The following CSGALNACT1 variants were observed in gnomAD, a reference collection of about 807,000 sequenced individuals.
CSGALNACT1 encodes the protein beta4GalNAcT-1.
In CSGALNACT1, 52 loss-of-function variants were observed where a neutral mutation model predicts 51.0. The observed-to-expected ratio is 1.02, with a 90% confidence interval of 0.82 to 1.29. The LOEUF (loss-of-function observed/expected upper bound fraction) is 1.29, where lower values mean the gene tolerates loss of function less well. Ranked by LOEUF, CSGALNACT1 falls within the 50% of genes most tolerant of loss-of-function variation. The pLI is 0.00. For missense variants in CSGALNACT1, 935 were observed against 679.2 expected (o/e 1.38, Z -4.19); for synonymous variants, 341 against 254.4 (o/e 1.34, Z -3.24).
chr8:19,480,589 C>T (rs1022905924), intron 4 of CSGALNACT1, among the ~76,000 whole-genome samples: 43 of 152,150 alleles, frequency 2.8e-4, no homozygotes, highest in African/African-American at 9.7e-4. Context: ...TGGGTGCCTG[C>T]GTCTTTACAA....
chr8:19,725,294 G>A lies in CSGALNACT1; in HGVS notation c.-297+32556C>T, dbSNP rs143895810. ...GGAAGGCATAGCTATAAGAATCTGC[G>A]TCCTGGCTGCCCAAGGCAAGGGGGC... On this transcript the variant is annotated intron_variant, in intron 1 of 1. Transcript: ENST00000517494. Among the ~76,000 whole-genome samples, 133 of 152,304 alleles carry A rather than the reference G, an allele frequency of 8.7e-4. 1 individual carries two copies. Among genetic ancestry groups the A allele is most frequent in the African/African-American group, 3.0e-3 (126 of 41,568 alleles).
chr8:19,418,102 A>G (rs1408759954), intron 8 of CSGALNACT1, among the ~76,000 whole-genome samples: 4 of 152,104 alleles, frequency 2.6e-5, no homozygotes, highest in Non-Finnish European at 5.9e-5. Context: ...GACACCTTTA[A>G]TGCTAACGTC....
intron 1 of CSGALNACT1, among the ~76,000 whole-genome samples, chr8:19,722,361 T>C (rs73590548): frequency 0.15 from 22,841 of 152,182 alleles, 1,863 homozygotes; most frequent in African/African-American, 0.2. Context: ...TTTAGCTAAT[T>C]AAAATTAAAA....
chr8:19,519,058 T>C (rs1366429658), intron 3 of CSGALNACT1, among the ~76,000 whole-genome samples: 2 of 152,206 alleles, frequency 1.3e-5, no homozygotes, highest in African/African-American at 4.8e-5. Flanking sequence ...TACCAGCTGA[T>C]GGTTTTAAAA....
intron 2 of CSGALNACT1, among the ~76,000 whole-genome samples, chr8:19,596,850 A>G (rs1332143443): frequency 1.3e-5 from 2 of 152,308 alleles, no homozygotes; most frequent in Middle Eastern, 3.4e-3. Flanking sequence ...GAAATTTACC[A>G]TCTTAACCAT....
At chr8:19,636,204 G>C (rs776356919) in intron 1 of CSGALNACT1, among the ~76,000 whole-genome samples, 2 of 152,154 alleles carry the variant, frequency 1.3e-5, no homozygotes, top group East Asian at 1.9e-4. Context: ...GTTAGAGAGA[G>C]AGAGATCAGT....
At chr8:19,536,529 T>C (rs149825179) in intron 3 of CSGALNACT1, among the ~76,000 whole-genome samples, 87 of 152,182 alleles carry the variant, frequency 5.7e-4, no homozygotes, top group African/African-American at 2.0e-3. Context: ...TCTAAATGAA[T>C]AGATGCATGG....
chr8:19,552,302 T>G (rs1275390442), intron 3 of CSGALNACT1, among the ~76,000 whole-genome samples: 1 of 152,234 alleles, frequency 6.6e-6, no homozygotes, highest in South Asian at 2.1e-4. Flanking sequence ...AAGGAAAATT[T>G]ACTTACAGTG....
chr8:19,474,683 A>G (rs2069011685), intron 4 of CSGALNACT1, among the ~76,000 whole-genome samples: 1 of 151,974 alleles, frequency 6.6e-6, no homozygotes, highest in African/African-American at 2.4e-5. Flanking sequence ...AGCCTAACCA[A>G]CATGGCAAAA....
chr8:19,463,810 A>T (rs145589375), intron 4 of CSGALNACT1, among the ~76,000 whole-genome samples: 1 of 152,148 alleles, frequency 6.6e-6, no homozygotes, highest in Admixed American at 6.5e-5. Flanking sequence ...AAGTATCCCA[A>T]TGCCGGTCTT....
At chr8:19,728,186 A>G (rs1480819843) in intron 1 of CSGALNACT1, among the ~76,000 whole-genome samples, 2 of 152,168 alleles carry the variant, frequency 1.3e-5, no homozygotes, top group Non-Finnish European at 2.9e-5. Context: ...TAGGGTTGTT[A>G]TGAGGATTAA....
chr8:19,620,430 C>T lies in CSGALNACT1; in HGVS notation c.-543-18565G>A, dbSNP rs927487370. 6.3e-4 allele frequency among the ~76,000 whole-genome samples: 90 copies of T among 142,136 alleles called. 1 individual carries two copies. Among genetic ancestry groups the T allele is most frequent in the African/African-American group, 1.6e-3 (64 of 38,938 alleles). The allele number at this position is 142,136 out of a possible 152,430, so 93.2% of individuals were successfully genotyped here. A position where few individuals can be genotyped will look rare whatever the true frequency, so the allele number is the denominator to read the frequency against. ...GGATTTCCAAGGGCTGGAAAAGAAT[C>T]TTTTTTTTTTTTTCTTGAGAAAGGG... is the stretch of plus-strand genomic sequence containing the variant. On this transcript the variant is annotated intron_variant, in intron 1 of 9. Coordinates refer to the CSGALNACT1 transcript ENST00000332246.
chr8:19,468,661 T>C lies in CSGALNACT1; in HGVS notation c.635-10019A>G, dbSNP rs375023647. On this transcript the variant is annotated intron_variant, in intron 4 of 9. Transcript: ENST00000454498. The stretch of plus-strand genomic sequence containing the variant: ...GGAAAAAAGCTTGAGAGAATGTTGT[T>C]AGAAAATGTCATGGCAGGTGAGGGA... Among the ~76,000 whole-genome samples the C allele has an allele frequency of 2.0e-4, 31 of 152,102 alleles. No homozygotes were observed. The East Asian group carries it at 5.2e-3, about 26-fold the overall frequency.
At chr8:19,737,026 G>A (rs959309008) in intron 1 of CSGALNACT1, among the ~76,000 whole-genome samples, 9 of 151,976 alleles carry the variant, frequency 5.9e-5, no homozygotes, top group Admixed American at 5.9e-4. Flanking sequence ...AGATAAAAAA[G>A]GCATGTTTCT....
At chr8:19,528,966 T>C (rs2082237469) in intron 3 of CSGALNACT1, among the ~76,000 whole-genome samples, 2 of 152,162 alleles carry the variant, frequency 1.3e-5, no homozygotes, top group South Asian at 2.1e-4. Context: ...GTAATGGTTG[T>C]TAATGTTAAG....
At chr8:19,573,642 C>G (rs1432131833) in intron 3 of CSGALNACT1, among the ~76,000 whole-genome samples, 2 of 152,110 alleles carry the variant, frequency 1.3e-5, no homozygotes, top group African/African-American at 2.4e-5. Context: ...CAGGGTTTCA[C>G]CATGTTGGCC....
chr8:19,744,769 G>GTTT (rs1052640540), intron 1 of CSGALNACT1, among the ~76,000 whole-genome samples: 2 of 152,174 alleles, frequency 1.3e-5, no homozygotes, highest in South Asian at 4.1e-4. Flanking sequence ...CACGAACACA[G>GTTT]TTTTTACTCA....
chr8:19,524,506 G>A (rs1308467819), intron 3 of CSGALNACT1, among the ~76,000 whole-genome samples: 1 of 151,964 alleles, frequency 6.6e-6, no homozygotes, highest in African/African-American at 2.4e-5. Flanking sequence ...CCAGGGCAAG[G>A]TGAAAATACA....
exon 4 of CSGALNACT1, chr8:19,505,244 G>T: frequency 6.2e-7 from 1 of 1,614,160 alleles, no homozygotes; most frequent in South Asian, 1.1e-5. Flanking sequence ...GATTGGGGCT[G>T]TTCTCTGCAG....
Sources: allele counts gnomAD v4.1 joint callset (sites outside exome capture counted in the v4.1 genomes callset), GRCh38; gene constraint gnomAD v4.1.1; transcripts MANE v1.5; gene names NCBI Gene and HGNC (gene_info 2026-07-23, HGNC 2026-07-21).